MGST1: variants seen among roughly 807,000 people sequenced by gnomAD.
The protein encoded by MGST1 is microsomal glutathione S-transferase 1, also known as glutathione S-transferase 12.
In MGST1, 5 loss-of-function variants were observed where a neutral mutation model predicts 8.9. The ratio of observed to expected loss-of-function variants is 0.56; its 90% CI spans 0.29 to 1.19. MGST1 has a LOEUF of 1.19. Among genes scored for constraint, MGST1 ranks in the 50% most tolerant of loss-of-function variants. The pLI, the probability that MGST1 is intolerant of heterozygous loss-of-function variation, is 0.08. For missense variants in MGST1, 182 were observed against 187.4 expected (o/e 0.97, Z 0.17); for synonymous variants, 54 against 67.8 (o/e 0.80, Z 1.00).
intron 4 of MGST1, among the ~76,000 whole-genome samples, chr12:16,572,194 G>A (rs1942835400): frequency 1.3e-5 from 2 of 151,886 alleles, no homozygotes; most frequent in Middle Eastern, 3.4e-3. Context: ...CCAGTATTAA[G>A]AAGGAGAAAT....
chr12:16,542,835 C>G (rs944111476), intron 4 of MGST1, among the ~76,000 whole-genome samples: 5 of 152,182 alleles, frequency 3.3e-5, no homozygotes, highest in Non-Finnish European at 7.3e-5. Flanking sequence ...ATGGCTTTCT[C>G]TCTGTCAGAT....
chr12:16,538,271 C>T (rs567357339), intron 4 of MGST1, among the ~76,000 whole-genome samples: 1 of 152,322 alleles, frequency 6.6e-6, no homozygotes, highest in South Asian at 2.1e-4. Context: ...GAGACCACCT[C>T]AGCCTGGCCC....
rs1440030393 is a variant in MGST1 at position 16,497,905 on chromosome 12, G to C, written n.483-91623G>C. 6.6e-6 allele frequency among the ~76,000 whole-genome samples: 1 copy of C among 152,116 alleles called. No homozygotes were observed. The highest frequency in any genetic ancestry group is 6.5e-5 in the Admixed American group (1 of 15,270). On this transcript the variant is annotated intron_variant and non_coding_transcript_variant, in intron 4 of 4. Transcript: ENST00000538857. The surrounding 1 kb of genome is among the most constrained non-coding windows in gnomAD (Gnocchi z 4.4). The stretch of plus-strand genomic sequence containing the variant: ...GGAATCTGCATTTCTACCAGTTCTA[G>C]TCTAGATGATAGTCTTTGTAATCAC...
chr12:16,352,798 T>C (rs1939528704), intron 1 of MGST1, among the ~76,000 whole-genome samples: 2 of 152,192 alleles, frequency 1.3e-5, no homozygotes, highest in African/African-American at 4.8e-5. Flanking sequence ...ATTACACCCA[T>C]GAAAGTACCA....
intron 4 of MGST1, among the ~76,000 whole-genome samples, chr12:16,486,913 C>T (rs1941402621): frequency 6.6e-6 from 1 of 152,110 alleles, no homozygotes; most frequent in South Asian, 2.1e-4. Context: ...ACTCGCATTA[C>T]AGTTCTTGAT....
At position 16,458,284 on chromosome 12, in the gene MGST1, T is replaced by C. The variant is rs544564605; in HGVS notation, n.482+74680T>C. Among the ~76,000 whole-genome samples, 15 of 152,164 alleles carry C rather than the reference T, an allele frequency of 9.9e-5. No individual in the cohort carries two copies. The highest frequency in any genetic ancestry group is 3.6e-4 in the African/African-American group (15 of 41,554). On this transcript the variant is annotated intron_variant and non_coding_transcript_variant, in intron 4 of 4. Transcript: ENST00000538857. The surrounding 1 kb of genome is among the most constrained non-coding windows in gnomAD (Gnocchi z 4.0). ...CATTACAAGTTTCAATTTAGGAGCTTGGCTGGGGTCAGCAGATTGCTTATG... is the reference window on the plus strand; with the variant it reads ...CATTACAAGTTTCAATTTAGGAGCTCGGCTGGGGTCAGCAGATTGCTTATG...
chr12:16,450,810 G>T (rs549750216), intron 4 of MGST1, among the ~76,000 whole-genome samples: 1 of 150,528 alleles, frequency 6.6e-6, no homozygotes, highest in African/African-American at 2.4e-5. Context: ...GTAGGAGGCG[G>T]TTAGGATGGT....
chr12:16,365,302 A>G (rs9332951), downstream of MGST1, among the ~76,000 whole-genome samples: 1 of 152,146 alleles, frequency 6.6e-6, no homozygotes, highest in Non-Finnish European at 1.5e-5. Flanking sequence ...AGTCTTTATA[A>G]TAAAGGGTAA....
chr12:16,441,687 A>G (rs938572718), downstream of MGST1, among the ~76,000 whole-genome samples: 1 of 151,792 alleles, frequency 6.6e-6, no homozygotes. Context: ...TTAGTGCTGA[A>G]TAATACTCCA....
chr12:16,384,479 T>C (rs550829711), intron 1 of MGST1, among the ~76,000 whole-genome samples: 1 of 152,132 alleles, frequency 6.6e-6, no homozygotes, highest in East Asian at 1.9e-4. Context: ...AGCCAAGGAA[T>C]GCCAAGGGTT....
intron 1 of MGST1, among the ~76,000 whole-genome samples, chr12:16,423,452 A>G (rs1443124675): frequency 6.7e-6 from 1 of 149,594 alleles, no homozygotes; most frequent in Non-Finnish European, 1.5e-5. Context: ...CTTGTTGTCC[A>G]TGCTTATTAT....
chr12:16,354,053 G>A (rs916612293), intron 1 of MGST1, among the ~76,000 whole-genome samples, 178 bp from the exon 2 acceptor site: 3 of 152,032 alleles, frequency 2.0e-5, no homozygotes, highest in Admixed American at 6.6e-5. Flanking sequence ...AAGCCACTGC[G>A]TTCAGCCCCT....
In MGST1 at chr12:16,401,362, A is replaced by C; in HGVS notation, n.778+17758A>C. ...TACTAGGAAGCTTTCATGGAATTCA[A>C]TTCCCACCCCAAATCCTAGGTTTCT... is the stretch of plus-strand genomic sequence containing the variant. On this transcript the variant is annotated intron_variant and non_coding_transcript_variant, in intron 1 of 1. Coordinates refer to the MGST1 transcript ENST00000359720. This position sits in a 1 kb window ranked among gnomAD's most constrained non-coding sequence, Gnocchi z 4.3. 1 of 1,209,826 alleles carries C rather than the reference A, an allele frequency of 8.3e-7. No homozygotes were observed. The highest frequency in any genetic ancestry group is 1.2e-6 in the Non-Finnish European group (1 of 816,582). 74.9% of individuals were successfully genotyped at this position (1,209,826 alleles called of 1,614,324 possible). A position where few individuals can be genotyped will look rare whatever the true frequency, so the allele number is the denominator to read the frequency against.
chr12:16,433,528 A>C (rs77197944), intron 1 of MGST1, among the ~76,000 whole-genome samples: 5,143 of 152,098 alleles, frequency 0.034, 227 homozygotes, highest in African/African-American at 0.1. Flanking sequence ...AGGCAGTAGA[A>C]ATTTTCTCTT....
intron 1 of MGST1, among the ~76,000 whole-genome samples, chr12:16,417,330 G>A (rs1940796553): frequency 6.6e-6 from 1 of 152,114 alleles, no homozygotes; most frequent in African/African-American, 2.4e-5. Context: ...TATCATGAGA[G>A]CAGCATGGGG....
intron 4 of MGST1, among the ~76,000 whole-genome samples, chr12:16,478,133 A>G (rs762567387): frequency 6.6e-6 from 1 of 152,114 alleles, no homozygotes; most frequent in Non-Finnish European, 1.5e-5. Context: ...AAGTTCAAGT[A>G]ATTCTTCTGC....
At chr12:16,402,303 A>G in intron 1 of MGST1, 3 of 1,593,574 alleles carry the variant, frequency 1.9e-6, no homozygotes, top group East Asian at 2.2e-5. Context: ...TTCTTCATCA[A>G]CACCCACTGA....
chr12:16,448,303 A>G (rs1229625958), intron 4 of MGST1, among the ~76,000 whole-genome samples: 1 of 152,022 alleles, frequency 6.6e-6, no homozygotes, highest in East Asian at 1.9e-4. Context: ...GGGTGAGTCA[A>G]GAATTAGGGT....
In MGST1 at chr12:16,512,334, C is replaced by T. The variant is rs1209627407; in HGVS notation, n.483-77194C>T. Among the ~76,000 whole-genome samples the T allele has an allele frequency of 2.6e-5, 4 of 152,082 alleles. No individual in the cohort carries two copies. The South Asian group carries it at 8.3e-4, about 32-fold the overall frequency. ...GGATAATCTCATCTCTGGAGAATAA[C>T]AGGCATTTAATTAAAATAAAAACAC... On this transcript the variant is annotated intron_variant and non_coding_transcript_variant, in intron 4 of 4. Transcript: ENST00000538857.
Sources: gnomAD v4.1 joint callset for allele counts (sites outside exome capture counted in the v4.1 genomes callset) on GRCh38, gnomAD v4.1.1 for gene constraint, Gnocchi (gnomAD v3.1) non-coding constraint, MANE v1.5 for transcripts, NCBI Gene and HGNC (gene_info 2026-07-23, HGNC 2026-07-21) for gene names.